Variants in ZNF680 observed in about 807,000 individuals in gnomAD.
ZNF680 encodes hypothetical protein FLJ90430.
Under a neutral mutation model 12.1 loss-of-function variants are expected in ZNF680, and 6 were observed. That is an observed-to-expected ratio of 0.49 (90% CI 0.27 to 0.98). The LOEUF (loss-of-function observed/expected upper bound fraction) is 0.98. ZNF680 is among the 50% of genes least tolerant of loss of function. The pLI is 0.12. For synonymous variants in ZNF680, 170 were observed against 199.3 expected, an observed-to-expected ratio of 0.85 and a Z score of 1.24; for missense variants, 561 against 616.3, an observed-to-expected ratio of 0.91 and a Z score of 0.95.
the ZNF680 span, among the ~76,000 whole-genome samples, chr7:64,499,271 AAC>A: frequency 6.6e-6 from 1 of 152,206 alleles, no homozygotes; most frequent in Non-Finnish European, 1.5e-5. Context: ...TATGAATTAA[AAC>A]AGCCCTGGGG....
chr7:64,562,437 C>T (rs1787797915), intron 1 of ZNF680, among the ~76,000 whole-genome samples: 2 of 152,162 alleles, frequency 1.3e-5, no homozygotes, highest in African/African-American at 4.8e-5. Flanking sequence ...ATTCATCATA[C>T]ACCACTTAAA....
rs1362626963 is a variant in ZNF680 at position 64,521,033 on chromosome 7, AT to A, written c.*127del. 2 of 1,061,502 alleles carry A rather than the reference AT, an allele frequency of 1.9e-6. No homozygotes were observed. The highest frequency in any genetic ancestry group is 5.4e-5 in the Admixed American group (2 of 37,268). The allele number at this position is 1,061,502 out of a possible 1,614,324, so 65.8% of individuals were successfully genotyped here. A position where few individuals can be genotyped will look rare whatever the true frequency, so the allele number is the denominator to read the frequency against. On this transcript the variant is annotated 3_prime_UTR_variant, in exon 4 of 4. Transcript: ENST00000309683. ...AAGTTTTGTCACATTCTTTACACTTATAAAGTTTTCTCCAATATAAATTATC... is the reference window on the plus strand; with the variant it reads ...AAGTTTTGTCACATTCTTTACACTTAAAAGTTTTCTCCAATATAAATTATC...
Position 64,521,649 on chromosome 7 carries a change from T to C in ZNF680, c.1105A>G (p.Lys369Glu). The C allele has an allele frequency of 1.9e-6, 3 of 1,612,522 alleles. No individual in the cohort carries two copies. Among genetic ancestry groups the C allele is most frequent in the Non-Finnish European group, 2.5e-6 (3 of 1,179,774 alleles). Reference sequence around the variant, plus strand: ...GATTTCTCTCCAGTATGAATTTTCTTATGTCTAGTAAGGTTTGCAAACTGG... The same window carrying C: ...GATTTCTCTCCAGTATGAATTTTCTCATGTCTAGTAAGGTTTGCAAACTGG... ...FNQFANLTRH[K>E]KIHTGEKSYK... Residue 369 changes from lysine to glutamate, a missense_variant, in exon 4 of 4, where the codon AAG (lysine) becomes GAG (glutamate). Transcript: ENST00000309683.
At chr7:64,544,544 C>G in intron 1 of ZNF680, 112 bp from the exon 2 acceptor site, 1 of 1,465,528 alleles carries the variant, frequency 6.8e-7, no homozygotes, top group Non-Finnish European at 9.0e-7. Context: ...GTATAGAAAA[C>G]TGATTCTGAC....
chr7:64,542,493 TTTAAA>T (rs1467733463), intron 3 of ZNF680, among the ~76,000 whole-genome samples: 1 of 152,154 alleles, frequency 6.6e-6, no homozygotes, highest in Non-Finnish European at 1.5e-5. Flanking sequence ...CTAAAACCTG[TTTAAA>T]TTAATAAATA....
intron 1 of ZNF680, among the ~76,000 whole-genome samples, chr7:64,551,309 T>C (rs1004826856): frequency 6.6e-6 from 1 of 152,192 alleles, no homozygotes; most frequent in Admixed American, 6.5e-5. Context: ...ATTTACATTT[T>C]GAAGCAATGG....
At chr7:64,514,810 A>G in the ZNF680 span, among the ~76,000 whole-genome samples, 1 of 152,192 alleles carries the variant, frequency 6.6e-6, no homozygotes, top group Non-Finnish European at 1.5e-5. Context: ...TTGGGAGGCC[A>G]TGGCAGATGG....
At chr7:64,500,990 C>T in the ZNF680 span, 1 of 673,208 alleles carries the variant, frequency 1.5e-6, no homozygotes, top group Non-Finnish European at 2.8e-6. Flanking sequence ...TGCCTTTGTT[C>T]AACAGGTGAA....
chr7:64,550,140 A>G (rs900866168), intron 1 of ZNF680, among the ~76,000 whole-genome samples: 3 of 152,250 alleles, frequency 2.0e-5, no homozygotes, highest in Non-Finnish European at 2.9e-5. Context: ...TAAAGGCAAA[A>G]ATAGAGGGAC....
At chr7:64,524,045 GAGA>G (rs112178234) in intron 3 of ZNF680, among the ~76,000 whole-genome samples, 30,258 of 151,762 alleles carry the variant, frequency 0.2, 3,376 homozygotes, top group South Asian at 0.29. Flanking sequence ...AATCAAATGA[GAGA>G]AGAAGAGGTC....
chr7:64,535,452 G>A (rs964150320), intron 3 of ZNF680, among the ~76,000 whole-genome samples: 11 of 142,520 alleles, frequency 7.7e-5, no homozygotes, highest in African/African-American at 2.8e-4. Context: ...GAGAGACAGA[G>A]AGAGAGAAAG....
At chr7:64,527,667 C>A (rs1208660230) in intron 3 of ZNF680, among the ~76,000 whole-genome samples, 1 of 151,902 alleles carries the variant, frequency 6.6e-6, no homozygotes, top group Admixed American at 6.6e-5. Flanking sequence ...TGCACTCCGG[C>A]CTGAGCAACA....
downstream of ZNF680, among the ~76,000 whole-genome samples, chr7:64,518,061 A>G (rs1371152591): frequency 1.3e-5 from 2 of 152,080 alleles, no homozygotes; most frequent in Non-Finnish European, 2.9e-5. Context: ...TTTATTTAAC[A>G]TAGCACTGAA....
chr7:64,504,895 T>C, the ZNF680 span, among the ~76,000 whole-genome samples: 1 of 152,174 alleles, frequency 6.6e-6, no homozygotes, highest in Non-Finnish European at 1.5e-5. Context: ...GGGAAATAAA[T>C]TTTTTGTCAA....
intron 3 of ZNF680, among the ~76,000 whole-genome samples, chr7:64,541,320 A>G (rs142427224): frequency 1.0e-3 from 155 of 152,326 alleles, no homozygotes; most frequent in East Asian, 9.6e-4. Context: ...GTAAAAATGT[A>G]TAGGGAGAGT....
downstream of ZNF680, among the ~76,000 whole-genome samples, chr7:64,516,309 T>C (rs1478932222): frequency 1.1e-4 from 17 of 152,178 alleles, no homozygotes; most frequent in Admixed American, 9.8e-4. Flanking sequence ...TAAAACTACA[T>C]AGAACTACTC....
At chr7:64,525,693 TA>T in intron 3 of ZNF680, 1 of 772,030 alleles carries the variant, frequency 1.3e-6, no homozygotes, top group Non-Finnish European at 1.6e-6. Flanking sequence ...TTTTGACAAG[TA>T]AAAATAGACA....
chr7:64,540,869 T>C (rs1434714026), intron 3 of ZNF680, among the ~76,000 whole-genome samples: 1 of 152,096 alleles, frequency 6.6e-6, no homozygotes, highest in Non-Finnish European at 1.5e-5. Flanking sequence ...GTATTTCAAA[T>C]CATTGGCATG....
chr7:64,549,031 A>T (rs1353056541), intron 1 of ZNF680, among the ~76,000 whole-genome samples: 1 of 151,928 alleles, frequency 6.6e-6, no homozygotes, highest in Admixed American at 6.6e-5. Flanking sequence ...GAGGCAGGAG[A>T]ATCGCTTGAA....
Sources: gnomAD v4.1 joint callset for allele counts (sites outside exome capture counted in the v4.1 genomes callset) on GRCh38, gnomAD v4.1.1 for gene constraint, MANE v1.5 for transcripts, NCBI Gene and HGNC (gene_info 2026-07-23, HGNC 2026-07-21) for gene names.